The following ATP8B1 variants were observed in gnomAD, a reference collection of about 807,000 sequenced individuals.
ATP8B1 encodes the protein ATPase phospholipid transporting 8B1.
In ATP8B1, 80 loss-of-function variants were observed where a neutral mutation model predicts 149.9. The ratio of observed to expected loss-of-function variants is 0.53; its 90% CI spans 0.45 to 0.64. ATP8B1 has a LOEUF of 0.64. ATP8B1 is among the 30% of genes least tolerant of loss of function. The probability of loss-of-function intolerance (pLI) is 0.00; values close to 1 mark genes in which losing one functional copy is unlikely to be tolerated. For synonymous variants in ATP8B1, 536 were observed against 562.8 expected (o/e 0.95, Z 0.67); for missense variants, 1,247 against 1,552.6 (o/e 0.80, Z 3.31).
chr18:57,670,628 C>T (rs542184378), intron 17 of ATP8B1, among the ~76,000 whole-genome samples: 6 of 152,124 alleles, frequency 3.9e-5, no homozygotes, highest in African/African-American at 1.2e-4. Flanking sequence ...GGATTACAGG[C>T]GTGAGCTACT....
In ATP8B1 at chr18:57,719,999, A is replaced by ACG. The variant is rs1386773696; in HGVS notation, c.181+11626_181+11627dup. 2.0e-5 allele frequency among the ~76,000 whole-genome samples: 3 copies of ACG among 152,084 alleles called. No homozygotes were observed. The East Asian group carries it at 5.8e-4, about 30-fold the overall frequency. ...CAGCAGGGGCACACTGACACCTCAC[A>ACG]CGGCAGGGTATTCCAACAGACCTGC... On this transcript the variant is annotated intron_variant, in intron 2 of 27. Transcript: ENST00000648908.
At chr18:57,648,926 C>G (rs1195377223) in intron 27 of ATP8B1, among the ~76,000 whole-genome samples, 2 of 142,506 alleles carry the variant, frequency 1.4e-5, no homozygotes, top group East Asian at 4.1e-4. Context: ...TTGAGACAGT[C>G]TCGCTCTGTC....
intron 1 of ATP8B1, among the ~76,000 whole-genome samples, chr18:57,765,537 C>T (rs1048408441): frequency 4.6e-5 from 7 of 151,854 alleles, no homozygotes; most frequent in African/African-American, 9.7e-5. Context: ...GACATAGTGG[C>T]GGGCACCTGT....
intron 15 of ATP8B1, among the ~76,000 whole-genome samples, chr18:57,678,670 C>T (rs867211353): frequency 1.1e-5 from 1 of 90,730 alleles, no homozygotes; most frequent in Admixed American, 1.3e-4. Flanking sequence ...GCAATTGACC[C>T]GACTTCGATT....
intron 1 of ATP8B1, among the ~76,000 whole-genome samples, chr18:57,782,305 G>A (rs951429230): frequency 6.6e-6 from 1 of 152,258 alleles, no homozygotes; most frequent in Admixed American, 6.5e-5. Context: ...GCCACCCACA[G>A]CTGCTGCGTT....
At chr18:57,672,886 G>GTA (rs1198919117) in intron 16 of ATP8B1, among the ~76,000 whole-genome samples, 79 of 14,062 alleles carry the variant, frequency 5.6e-3, no homozygotes, top group South Asian at 7.7e-3. Context: ...AAAAAAAAAA[G>GTA]TATATATATA....
chr18:57,726,940 C>T (rs748035874), intron 2 of ATP8B1, among the ~76,000 whole-genome samples: 41 of 152,090 alleles, frequency 2.7e-4, no homozygotes, highest in Non-Finnish European at 5.3e-4. Flanking sequence ...ATTAGCTGGG[C>T]GTGATGGCGG....
intron 4 of ATP8B1, among the ~76,000 whole-genome samples, chr18:57,702,844 C>T (rs1296059877): frequency 3.9e-5 from 5 of 127,058 alleles, no homozygotes; most frequent in East Asian, 2.1e-4. Flanking sequence ...ATAACAGGAG[C>T]GAAACTCCAT....
intron 1 of ATP8B1, among the ~76,000 whole-genome samples, chr18:57,739,545 G>A (rs1177512959): frequency 6.6e-6 from 1 of 152,180 alleles, no homozygotes; most frequent in East Asian, 1.9e-4. Flanking sequence ...AGTTGACACT[G>A]AAAGATCTGG....
At chr18:57,718,103 T>TAAAA (rs59629558) in intron 2 of ATP8B1, among the ~76,000 whole-genome samples, 274 of 31,326 alleles carry the variant, frequency 8.7e-3, no homozygotes, top group Non-Finnish European at 0.01. Context: ...CTGGACTAAC[T>TAAAA]AAAAAAAAAA....
chr18:57,701,006 C>T (rs1461100669), intron 6 of ATP8B1, 33 bp downstream of exon 6: 1 of 1,582,758 alleles, frequency 6.3e-7, no homozygotes, highest in African/African-American at 1.3e-5. Flanking sequence ...TGCATTACAT[C>T]CTTGAAACTC....
At chr18:57,684,404 TC>T (rs1912132710) in intron 14 of ATP8B1, among the ~76,000 whole-genome samples, 1 of 151,472 alleles carries the variant, frequency 6.6e-6, no homozygotes, top group Admixed American at 6.6e-5. Flanking sequence ...CATATATGGG[TC>T]TCACTCTGTC....
intron 1 of ATP8B1, among the ~76,000 whole-genome samples, chr18:57,762,814 C>T (rs1387257010): frequency 6.6e-6 from 1 of 152,176 alleles, no homozygotes; most frequent in Non-Finnish European, 1.5e-5. Context: ...AACTACCAAA[C>T]CCATTATCTC....
chr18:57,766,914 T>C (rs562536444), intron 1 of ATP8B1, among the ~76,000 whole-genome samples: 46 of 152,184 alleles, frequency 3.0e-4, no homozygotes, highest in African/African-American at 1.1e-3. Flanking sequence ...CTACAGGACA[T>C]GTAGGAGTCA....
At chr18:57,732,625 C>T (rs375707) in intron 1 of ATP8B1, among the ~76,000 whole-genome samples, 149,538 of 152,060 alleles carry the variant, frequency 0.98, 73,577 homozygotes, top group East Asian at 1. Context: ...TGCAATGGCA[C>T]GATCTCGGCT....
At chr18:57,738,973 C>T (rs2079885308) in intron 1 of ATP8B1, among the ~76,000 whole-genome samples, 1 of 152,002 alleles carries the variant, frequency 6.6e-6, no homozygotes, top group African/African-American at 2.4e-5. Flanking sequence ...AGATGGGGCC[C>T]TAATCCAATA....
intron 2 of ATP8B1, among the ~76,000 whole-genome samples, chr18:57,712,060 T>TAC (rs1408490638): frequency 1.3e-5 from 2 of 151,270 alleles, no homozygotes; most frequent in Non-Finnish European, 2.9e-5. Flanking sequence ...TATATATATA[T>TAC]ATATATATGG....
At chr18:57,727,547 T>C (rs2079720796) in intron 2 of ATP8B1, among the ~76,000 whole-genome samples, 1 of 152,148 alleles carries the variant, frequency 6.6e-6, no homozygotes, top group African/African-American at 2.4e-5. Context: ...TCCCAGCACT[T>C]TGGGAGGCTG....
In ATP8B1 at chr18:57,771,468, T is replaced by G. The variant is rs189671498; in HGVS notation, c.-26+31530A>C. Among the ~76,000 whole-genome samples the G allele has an allele frequency of 1.4e-3, 210 of 152,338 alleles. 1 individual carries two copies. Among genetic ancestry groups the G allele is most frequent in the Non-Finnish European group, 2.3e-3 (155 of 68,028 alleles). On this transcript the variant is annotated intron_variant, in intron 1 of 27. Transcript: ENST00000648908. ...TCCTGATCCTTCAATTCACTTTCTT[T>G]ATAATTACGAAATGGTCTGAGATAA...
Sources: gnomAD v4.1 joint callset for allele counts (sites outside exome capture counted in the v4.1 genomes callset) on GRCh38, gnomAD v4.1.1 for gene constraint, MANE v1.5 for transcripts, NCBI Gene and HGNC (gene_info 2026-07-23, HGNC 2026-07-21) for gene names.